Variants in EXT1 observed in about 807,000 individuals in gnomAD.
EXT1 encodes exostosin-1.
A neutral mutation model predicts 82.5 loss-of-function variants in EXT1; 20 were observed. The observed-to-expected ratio is 0.24, with a 90% CI of 0.17 to 0.35. The LOEUF is 0.35. Ranked by LOEUF, EXT1 falls within the 10% of genes least tolerant of loss-of-function variation. The pLI, the probability that EXT1 is intolerant of heterozygous loss-of-function variation, is 1.00. For synonymous variants in EXT1, 348 were observed against 350.8 expected (o/e 0.99, Z 0.09); for missense variants, 757 against 936.5 (o/e 0.81, Z 2.50).
intron 1 of EXT1, among the ~76,000 whole-genome samples, chr8:117,868,944 G>A (rs1487480819): frequency 6.6e-6 from 1 of 152,160 alleles, no homozygotes; most frequent in Non-Finnish European, 1.5e-5. Context: ...GCCCTCAACA[G>A]GCTGCCTCCT....
chr8:117,824,355 C>G lies in EXT1; in HGVS notation c.1285-1758G>C, dbSNP rs370472655. Among the ~76,000 whole-genome samples, 193 of 152,190 alleles carry G rather than the reference C, an allele frequency of 1.3e-3. No individual in the cohort carries two copies. The South Asian group carries it at 0.038, about 30-fold the overall frequency. ...CACAACATTGTTATCTTTTAAAATT[C>G]AAAGATATGATAATAAGATATAGCA... On this transcript the variant is annotated intron_variant, in intron 4 of 10. Transcript: ENST00000378204.
At chr8:117,816,365 C>T (rs969282501) in intron 7 of EXT1, among the ~76,000 whole-genome samples, 2 of 152,158 alleles carry the variant, frequency 1.3e-5, no homozygotes, top group Non-Finnish European at 2.9e-5. Flanking sequence ...TAGGACTAAG[C>T]ACCTGATATG....
At chr8:117,993,256 G>A (rs990322649) in intron 1 of EXT1, among the ~76,000 whole-genome samples, 3 of 152,116 alleles carry the variant, frequency 2.0e-5, no homozygotes, top group Non-Finnish European at 2.9e-5. Flanking sequence ...GGAGAAATAT[G>A]TATGCATTCA....
In EXT1 at chr8:117,996,429, T is replaced by G. The variant is rs761790380; in HGVS notation, c.962+113656A>C. On this transcript the variant is annotated intron_variant, in intron 1 of 10. Transcript: ENST00000378204. ...CATGTACGGCTAGTGGCTGCCATAT[T>G]GGTCAGTACAGATATAGCATATTTT... Among the ~76,000 whole-genome samples the G allele has an allele frequency of 1.1e-3, 172 of 152,232 alleles. 1 individual carries two copies. The highest frequency in any genetic ancestry group is 1.0e-3 in the Non-Finnish European group (68 of 68,032).
intron 1 of EXT1, among the ~76,000 whole-genome samples, chr8:117,895,247 C>T (rs1813315491): frequency 6.6e-6 from 1 of 152,112 alleles, no homozygotes; most frequent in Admixed American, 6.5e-5. Flanking sequence ...ATTCTACAAT[C>T]CAAAAATATC....
chr8:118,085,543 G>C (rs1029962033), intron 1 of EXT1, among the ~76,000 whole-genome samples: 1 of 146,450 alleles, frequency 6.8e-6, no homozygotes, highest in Non-Finnish European at 1.5e-5. Context: ...ACTATATTCA[G>C]AGCCTACTGA....
intron 10 of EXT1, among the ~76,000 whole-genome samples, chr8:117,801,895 A>G (rs1823172264): frequency 6.6e-6 from 1 of 152,222 alleles, no homozygotes; most frequent in African/African-American, 2.4e-5. Flanking sequence ...TACTGTCTAG[A>G]GTTTACACTC....
At chr8:117,943,117 C>T (rs917521755) in intron 1 of EXT1, among the ~76,000 whole-genome samples, 1 of 152,174 alleles carries the variant, frequency 6.6e-6, no homozygotes, top group Non-Finnish European at 1.5e-5. Flanking sequence ...GAAGTTTAGC[C>T]AGAAAACCTA....
intron 1 of EXT1, among the ~76,000 whole-genome samples, chr8:117,950,556 G>A (rs547561547): frequency 1.3e-5 from 2 of 152,240 alleles, no homozygotes; most frequent in East Asian, 1.9e-4. Context: ...AGGATAACAC[G>A]AGGGCTAAAG....
chr8:117,858,848 A>AAGGAAG lies in EXT1; in HGVS notation c.963-21648_963-21647insCTTCCT, dbSNP rs1563582262. ...AGGAAGGAAGGAAGGAAGGAAGGAA[A>AAGGAAG]GAAAGAAAGAAAGAAAGAAAGAAAG... On this transcript the variant is annotated intron_variant, in intron 1 of 10. Transcript: ENST00000378204. Among the ~76,000 whole-genome samples, 170 of 31,488 alleles carry AAGGAAG rather than the reference A, an allele frequency of 5.4e-3. 2 individuals are homozygous for AAGGAAG. The highest frequency in any genetic ancestry group is 7.5e-3 in the East Asian group (8 of 1,064). The allele number at this position is 31,488 out of a possible 152,430, so 20.7% of individuals were successfully genotyped here.
intron 1 of EXT1, among the ~76,000 whole-genome samples, chr8:117,909,196 A>G (rs1483361456): frequency 6.6e-6 from 1 of 152,160 alleles, no homozygotes; most frequent in Non-Finnish European, 1.5e-5. Context: ...AAGAACAATA[A>G]TTGCAACCTA....
At chr8:117,955,898 A>G (rs1020537042) in intron 1 of EXT1, among the ~76,000 whole-genome samples, 5 of 152,178 alleles carry the variant, frequency 3.3e-5, no homozygotes, top group African/African-American at 1.2e-4. Flanking sequence ...CCAAGAGTGT[A>G]CCACCATTCA....
chr8:117,992,544 C>G (rs1218875727), intron 1 of EXT1, among the ~76,000 whole-genome samples: 1 of 151,902 alleles, frequency 6.6e-6, no homozygotes, highest in South Asian at 2.1e-4. Context: ...CCTCAGAGAC[C>G]CATGAATCTT....
At chr8:118,040,830 T>C (rs975374373) in intron 1 of EXT1, among the ~76,000 whole-genome samples, 1 of 152,228 alleles carries the variant, frequency 6.6e-6, no homozygotes, top group East Asian at 1.9e-4. Context: ...GCAGCAATTG[T>C]TCACGTCAGT....
At chr8:117,964,625 GTTTGTT>G (rs148364747) in intron 1 of EXT1, among the ~76,000 whole-genome samples, 43,327 of 140,202 alleles carry the variant, frequency 0.31, 6,682 homozygotes, top group African/African-American at 0.42. Flanking sequence ...GTGTGTGTGT[GTTTGTT>G]TGTTTGTTTG....
At chr8:118,036,389 C>T (rs1003744950) in intron 1 of EXT1, among the ~76,000 whole-genome samples, 3 of 152,062 alleles carry the variant, frequency 2.0e-5, no homozygotes, top group Admixed American at 6.5e-5. Context: ...CGCCCCTTTT[C>T]GGTCTCCTCC....
intron 4 of EXT1, among the ~76,000 whole-genome samples, chr8:117,826,257 C>T (rs1446028239): frequency 6.6e-6 from 1 of 152,152 alleles, no homozygotes; most frequent in Non-Finnish European, 1.5e-5. Context: ...AATGAGATGT[C>T]CTGTTTTCAA....
chr8:117,889,127 A>C (rs1813199308), intron 1 of EXT1, among the ~76,000 whole-genome samples: 1 of 152,152 alleles, frequency 6.6e-6, no homozygotes, highest in South Asian at 2.1e-4. Flanking sequence ...TGGGGCAGCT[A>C]TCTTGGACTC....
In EXT1 at chr8:117,878,340, A is replaced by G. The variant is rs567726761; in HGVS notation, c.963-41139T>C. Among the ~76,000 whole-genome samples the G allele has an allele frequency of 5.8e-4, 88 of 152,362 alleles. 1 individual carries two copies. Among genetic ancestry groups the G allele is most frequent in the African/African-American group, 2.1e-3 (87 of 41,592 alleles). On this transcript the variant is annotated intron_variant, in intron 1 of 10. Coordinates refer to ENST00000378204, the MANE Select transcript of EXT1 (RefSeq NM_000127.3). Reference sequence around the variant, plus strand: ...AGTCAGATTTTCTATTAGAGGCAGAAAAAGGAATGTGATTATCCTGAGTAT... The same window carrying G: ...AGTCAGATTTTCTATTAGAGGCAGAGAAAGGAATGTGATTATCCTGAGTAT...
Sources: allele counts gnomAD v4.1 joint callset (sites outside exome capture counted in the v4.1 genomes callset), GRCh38; gene constraint gnomAD v4.1.1; transcripts MANE v1.5; gene names NCBI Gene and HGNC (gene_info 2026-07-23, HGNC 2026-07-21).